The following OSBPL11 variants were observed in gnomAD, a reference collection of about 807,000 sequenced individuals.
OSBPL11 encodes oxysterol binding protein like 11.
A neutral mutation model predicts 84.4 loss-of-function variants in OSBPL11; 33 were observed. That is an observed-to-expected ratio of 0.39 (90% confidence interval 0.30 to 0.52). The LOEUF is 0.52. Ranked by LOEUF, OSBPL11 falls within the 20% of genes least tolerant of loss-of-function variation. The pLI, the probability that OSBPL11 is intolerant of heterozygous loss-of-function variation, is 0.72. For synonymous variants in OSBPL11, 276 were observed against 310.2 expected (o/e 0.89, Z 1.16); for missense variants, 736 against 901.1 (o/e 0.82, Z 2.35).
At chr3:125,579,412 T>G (rs1443092708) in intron 3 of OSBPL11, among the ~76,000 whole-genome samples, 1 of 152,222 alleles carries the variant, frequency 6.6e-6, no homozygotes, top group Non-Finnish European at 1.5e-5. Flanking sequence ...ACTTTGTGTA[T>G]TCATTAAATA....
intron 11 of OSBPL11, among the ~76,000 whole-genome samples, chr3:125,534,701 A>C (rs1228053893): frequency 2.6e-5 from 4 of 151,924 alleles, no homozygotes; most frequent in Admixed American, 6.6e-5. Context: ...TTAAACATTT[A>C]GGAAAAAAAT....
intron 11 of OSBPL11, among the ~76,000 whole-genome samples, chr3:125,537,262 C>A (rs111766859): frequency 1.3e-5 from 2 of 151,684 alleles, no homozygotes; most frequent in African/African-American, 4.8e-5. Context: ...AAGGGGCATG[C>A]GAGTACATGG....
intron 8 of OSBPL11, among the ~76,000 whole-genome samples, chr3:125,558,600 T>C (rs1049609595): frequency 6.6e-6 from 1 of 152,224 alleles, no homozygotes; most frequent in Non-Finnish European, 1.5e-5. Flanking sequence ...AAAGTCAATT[T>C]TGAAATTCCA....
At position 125,552,306 on chromosome 3, in the gene OSBPL11, G is replaced by C. The variant is rs1263703317; in HGVS notation, c.1529C>G (p.Ser510Cys). 2 of 1,613,958 alleles carry C rather than the reference G, an allele frequency of 1.2e-6. No individual in the cohort carries two copies. The highest frequency in any genetic ancestry group is 1.7e-6 in the Non-Finnish European group (2 of 1,180,042). ...YTVRFVAEQV[S>C]HHPPVSGFYA... is the part of the protein sequence containing the mutation. ...AAATCCTGAGACTGGAGGATGATGA[G>C]AAACCTGCTCAGCAACAAATCTGAC... The change falls in exon 9 of 13, where the codon TCT (serine) becomes TGT (cysteine). Residue 510 changes from serine (S) to cysteine (C), a missense_variant. Ser to Cys is a moderately radical substitution (Grantham distance 112). Around this residue, in one of 3 missense-constraint regions of OSBPL11, gnomAD observed 579 missense variants for 717.6 expected, o/e 0.81. Coordinates refer to ENST00000296220, the MANE Select transcript of OSBPL11 (RefSeq NM_022776.5).
At chr3:125,535,589 G>A (rs552333305) in intron 11 of OSBPL11, among the ~76,000 whole-genome samples, 15 of 151,662 alleles carry the variant, frequency 9.9e-5, no homozygotes, top group Admixed American at 8.5e-4. Context: ...GACTACAGGT[G>A]CACGCCACCA....
chr3:125,550,371 T>TCACACACA (rs58412964), intron 9 of OSBPL11, among the ~76,000 whole-genome samples: 28 of 132,268 alleles, frequency 2.1e-4, no homozygotes, highest in African/African-American at 7.4e-4. Flanking sequence ...CTAGACCGTG[T>TCACACACA]CACACACACA....
intron 10 of OSBPL11, among the ~76,000 whole-genome samples, chr3:125,545,638 G>A (rs1935801380): frequency 6.6e-6 from 1 of 151,694 alleles, no homozygotes; most frequent in Admixed American, 6.6e-5. Context: ...GTGTGCGTGT[G>A]TGTGTGTAAT....
chr3:125,536,977 G>A (rs1255058694), intron 11 of OSBPL11, among the ~76,000 whole-genome samples: 2 of 151,902 alleles, frequency 1.3e-5, no homozygotes, highest in Non-Finnish European at 2.9e-5. Flanking sequence ...TGGCCAACAT[G>A]GTGAAACCCC....
Position 125,595,007 on chromosome 3 carries a change from C to A in OSBPL11, c.-207G>T. 2 of 547,358 alleles carry A rather than the reference C, an allele frequency of 3.7e-6. No homozygotes were observed. The highest frequency in any genetic ancestry group is 6.2e-5 in the Admixed American group (2 of 32,288). 33.9% of individuals were successfully genotyped at this position (547,358 alleles called of 1,614,324 possible). A position where few individuals can be genotyped will look rare whatever the true frequency, so the allele number is the denominator to read the frequency against. ...ACTTTTGAGAGGGCAGGGGAAGCAACGAGGACAGATATCCTTCACATGTAT... is the reference window on the plus strand; with the variant it reads ...ACTTTTGAGAGGGCAGGGGAAGCAAAGAGGACAGATATCCTTCACATGTAT... On this transcript the variant is annotated 5_prime_UTR_variant, in exon 1 of 13. Transcript: ENST00000296220.
rs375472035 is a variant in OSBPL11, at chr3:125,542,790, G to A, written c.1842-4157C>T. 3.3e-5 allele frequency among the ~76,000 whole-genome samples: 5 copies of A among 152,138 alleles called. 1 individual carries two copies. Among genetic ancestry groups the A allele is most frequent in the Admixed American group, 1.3e-4 (2 of 15,274 alleles). On this transcript the variant is annotated intron_variant, in intron 10 of 12. Coordinates refer to ENST00000296220, the MANE Select transcript of OSBPL11 (RefSeq NM_022776.5). ...CTGACAAAGTTCTGGGATTACAGGC[G>A]TGAGCCACCACGCCCAGCCTAATTT... is the stretch of plus-strand genomic sequence containing the variant.
At chr3:125,585,790 A>G (rs1344031844) in intron 1 of OSBPL11, among the ~76,000 whole-genome samples, 1 of 152,252 alleles carries the variant, frequency 6.6e-6, no homozygotes, top group Non-Finnish European at 1.5e-5. Context: ...GAAGGCAACC[A>G]GCTGGTGTGG....
intron 12 of OSBPL11, 102 bp from the exon 13 acceptor site, chr3:125,530,682 C>T: frequency 1.1e-6 from 1 of 935,602 alleles, no homozygotes; most frequent in Non-Finnish European, 1.7e-6. Flanking sequence ...TCTATTTTCA[C>T]ATTCAAAAAC....
At chr3:125,573,758 G>C (rs1312650104) in intron 5 of OSBPL11, among the ~76,000 whole-genome samples, 2 of 151,202 alleles carry the variant, frequency 1.3e-5, no homozygotes, top group Non-Finnish European at 2.9e-5. Context: ...TGTAATCTCA[G>C]CCATGTGGGA....
Position 125,578,983 on chromosome 3 carries a change from G to T in OSBPL11, c.466C>A (p.His156Asn). 2 of 1,587,272 alleles carry T rather than the reference G, an allele frequency of 1.3e-6. No individual in the cohort carries two copies. The highest frequency in any genetic ancestry group is 1.2e-5 in the South Asian group (1 of 86,570). Residue 156 changes from histidine (H) to asparagine (N), a missense_variant, in exon 4 of 13, where the codon CAT becomes AAT. Coordinates refer to ENST00000296220, the MANE Select transcript of OSBPL11 (RefSeq NM_022776.5). ...WVSRLQICTQ[H>N]HTEAIGKNNP... ...ACCTTTCCAATAGCTTCAGTATGAT[G>T]CTGTGTACATATCTGAAGTCTGCTA...
At chr3:125,556,868 A>C (rs1935997815) in intron 8 of OSBPL11, among the ~76,000 whole-genome samples, 1 of 152,214 alleles carries the variant, frequency 6.6e-6, no homozygotes, top group Admixed American at 6.5e-5. Flanking sequence ...ATTAGAGGGG[A>C]ACTCAGAGAT....
At chr3:125,537,552 T>A (rs181801521) in intron 11 of OSBPL11, among the ~76,000 whole-genome samples, 1 of 152,346 alleles carries the variant, frequency 6.6e-6, no homozygotes, top group East Asian at 1.9e-4. Flanking sequence ...ATTATTGCTG[T>A]TATTTTTTGA....
chr3:125,532,094 A>G lies in OSBPL11; in HGVS notation c.2025-80T>C, dbSNP rs567861696. 3.3e-4 allele frequency: 449 copies of G among 1,360,702 alleles called. 3 individuals are homozygous for G. In the African/African-American group the frequency reaches 5.7e-3, roughly 17 times the overall value. 84.3% of individuals were successfully genotyped at this position (1,360,702 alleles called of 1,614,324 possible). ...TAGAATCAATACCCTCAAAATTACA[A>G]TAATTTTATAAAATAACGTTTCCTA... On this transcript the variant is annotated intron_variant, in intron 11 of 12. Coordinates refer to ENST00000296220, the MANE Select transcript of OSBPL11 (RefSeq NM_022776.5).
Position 125,547,591 on chromosome 3 carries a change from A to G in OSBPL11, c.1656T>C (p.Gly552=). 1 of 1,586,242 alleles carries G rather than the reference A, an allele frequency of 6.3e-7. No individual in the cohort carries two copies. The highest frequency in any genetic ancestry group is 8.6e-7 in the Non-Finnish European group (1 of 1,166,136). ...CTCCATGCTCCAACAGACTAAGGAT[A>G]CCTGAATGTGAAAACATGAGGGTGG... The part of the protein sequence containing the change: ...MSIGVTMVGE[G]ILSLLEHGEE... The change falls in exon 10 of 13, where the codon GGT becomes GGC. Residue 552 remains glycine (G), a splice_region_variant and synonymous_variant. Transcript: ENST00000296220.
Position 125,560,544 on chromosome 3 carries a change from C to G in OSBPL11, c.1015-25G>C, listed in dbSNP as rs372679421. On this transcript the variant is annotated intron_variant, in intron 7 of 12. Coordinates refer to ENST00000296220, the MANE Select transcript of OSBPL11 (RefSeq NM_022776.5). ...CCTTGATGGAAAACAAAGCAAAAGT[C>G]TAGTATTTTAACTACCTATTCATAT... 7.9e-6 allele frequency: 12 copies of G among 1,524,408 alleles called. No homozygotes were observed. The African/African-American group carries it at 1.7e-4, about 21-fold the overall frequency. 94.4% of individuals were successfully genotyped at this position (1,524,408 alleles called of 1,614,324 possible).
Sources: allele counts gnomAD v4.1 joint callset (sites outside exome capture counted in the v4.1 genomes callset), GRCh38; gene constraint gnomAD v4.1.1; regional missense constraint gnomAD v4.1.1; transcripts MANE v1.5; gene names NCBI Gene and HGNC (gene_info 2026-07-23, HGNC 2026-07-21).